Variants in SDCBP2 observed in about 807,000 individuals in gnomAD.
SDCBP2 encodes syntenin-2.
SDCBP2 carries 28 observed loss-of-function variants against 30.7 expected under a neutral mutation model. The observed-to-expected ratio is 0.91, with a 90% CI of 0.68 to 1.25. SDCBP2 has a LOEUF of 1.25. Among genes scored for constraint, SDCBP2 ranks in the 50% most tolerant of loss-of-function variants. The probability of loss-of-function intolerance (pLI) is 0.00; values close to 1 mark genes in which losing one functional copy is unlikely to be tolerated. For synonymous variants in SDCBP2, 166 were observed against 157.3 expected (o/e 1.06, Z -0.41); for missense variants, 399 against 379.0 (o/e 1.05, Z -0.44).
chr20:1,315,652 C>T (rs868292234), intron 4 of SDCBP2, among the ~76,000 whole-genome samples: 8 of 151,998 alleles, frequency 5.3e-5, no homozygotes, highest in East Asian at 1.9e-4. Context: ...TAAACGTAAA[C>T]GCAAAACATA....
intron 4 of SDCBP2, among the ~76,000 whole-genome samples, chr20:1,315,147 G>A (rs772599465): frequency 6.6e-6 from 1 of 152,188 alleles, no homozygotes; most frequent in Non-Finnish European, 1.5e-5. Context: ...ACTGGTGAAG[G>A]GATAGACAAG....
intron 7 of SDCBP2, among the ~76,000 whole-genome samples, chr20:1,311,431 T>A (rs932975362): frequency 1.3e-5 from 2 of 152,168 alleles, no homozygotes; most frequent in East Asian, 3.9e-4. Flanking sequence ...ACCACTTAGA[T>A]CATGGGAAGA....
chr20:1,317,029 T>C (rs780715977), intron 4 of SDCBP2, among the ~76,000 whole-genome samples: 1 of 152,134 alleles, frequency 6.6e-6, no homozygotes, highest in Non-Finnish European at 1.5e-5. Context: ...TGTAACATTC[T>C]GAAATGACAA....
rs777879728 is a variant in SDCBP2, at chr20:1,312,374, ACGTAGTGGTTGGTGAGGAGCC to A, written c.674_694del (p.Gly225_Tyr231del). On this transcript the variant is annotated inframe_deletion, in exon 7 of 9. Coordinates refer to ENST00000360779, the MANE Select transcript of SDCBP2 (RefSeq NM_080489.5). The stretch of plus-strand genomic sequence containing the variant: ...AACATTCTGCCCGTCCACCTCACAC[ACGTAGTGGTTGGTGAGGAGCC>A]CGTTGCGGGCCGCAGAACTCCCTTT... 1 of 1,613,314 alleles carries A rather than the reference ACGTAGTGGTTGGTGAGGAGCC, an allele frequency of 6.2e-7. No homozygotes were observed. The highest frequency in any genetic ancestry group is 1.1e-5 in the South Asian group (1 of 90,956).
chr20:1,313,617 C>T lies in SDCBP2; in HGVS notation c.226-119G>A. On this transcript the variant is annotated intron_variant, in intron 4 of 8. Coordinates refer to ENST00000360779, the MANE Select transcript of SDCBP2 (RefSeq NM_080489.5). The surrounding 1 kb of genome is among the most constrained non-coding windows in gnomAD (Gnocchi z 5.2). Reference sequence around the variant, plus strand: ...ATGGAGCCGTCCCCGGGTCCCCCCACGTCCCCAGTCCACGCTTCTCCCCTA... The same window carrying T: ...ATGGAGCCGTCCCCGGGTCCCCCCATGTCCCCAGTCCACGCTTCTCCCCTA... 1 of 1,424,594 alleles carries T rather than the reference C, an allele frequency of 7.0e-7. No homozygotes were observed. Among genetic ancestry groups the T allele is most frequent in the Non-Finnish European group, 9.2e-7 (1 of 1,091,864 alleles). 88.2% of individuals were successfully genotyped at this position (1,424,594 alleles called of 1,614,324 possible). A position where few individuals can be genotyped will look rare whatever the true frequency, so the allele number is the denominator to read the frequency against.
rs2088722399 is a variant in SDCBP2 at position 1,313,619 on chromosome 20, T to C, written c.226-121A>G. On this transcript the variant is annotated intron_variant, in intron 4 of 8. Transcript: ENST00000360779. The surrounding 1 kb of genome is among the most constrained non-coding windows in gnomAD (Gnocchi z 5.2). Reference sequence around the variant, plus strand: ...GGAGCCGTCCCCGGGTCCCCCCACGTCCCCAGTCCACGCTTCTCCCCTAGG... The same window carrying C: ...GGAGCCGTCCCCGGGTCCCCCCACGCCCCCAGTCCACGCTTCTCCCCTAGG... 1.6e-5 allele frequency: 23 copies of C among 1,422,686 alleles called. No homozygotes were observed. The highest frequency in any genetic ancestry group is 2.0e-5 in the Non-Finnish European group (22 of 1,090,860). The allele number at this position is 1,422,686 out of a possible 1,614,324, so 88.1% of individuals were successfully genotyped here. A position where few individuals can be genotyped will look rare whatever the true frequency, so the allele number is the denominator to read the frequency against.
intron 7 of SDCBP2, 35 bp downstream of exon 7, chr20:1,312,302 C>T (rs760517209): frequency 1.2e-6 from 2 of 1,601,676 alleles, no homozygotes; most frequent in Non-Finnish European, 8.5e-7. Context: ...CTCCCACCAC[C>T]CGGCAGTCCC....
At chr20:1,322,055 C>T (rs2088856687) in intron 1 of SDCBP2, 1 of 152,306 alleles carries the variant, frequency 6.6e-6, no homozygotes, top group Admixed American at 6.5e-5. Context: ...TCATTTCTTG[C>T]CTTACGTCCT....
intron 4 of SDCBP2, among the ~76,000 whole-genome samples, chr20:1,315,594 T>A (rs2088765327): frequency 6.6e-6 from 1 of 152,090 alleles, no homozygotes; most frequent in Non-Finnish European, 1.5e-5. Flanking sequence ...AATATGAACT[T>A]TGACTGAAAC....
At chr20:1,322,862 TGCCCA>T (rs2088866692) in intron 1 of SDCBP2, 2 of 152,380 alleles carry the variant, frequency 1.3e-5, no homozygotes, top group South Asian at 4.1e-4. Flanking sequence ...TGAGCCACTA[TGCCCA>T]GCCTTTTGTT....
chr20:1,313,684 G>A lies in SDCBP2; in HGVS notation c.226-186C>T, dbSNP rs1456866804. 22 of 1,371,162 alleles carry A rather than the reference G, an allele frequency of 1.6e-5. No homozygotes were observed. In the Admixed American group the frequency reaches 5.5e-4, roughly 34 times the overall value. 84.9% of individuals were successfully genotyped at this position (1,371,162 alleles called of 1,614,324 possible). A position where few individuals can be genotyped will look rare whatever the true frequency, so the allele number is the denominator to read the frequency against. ...TGGCTCCACGCGGCCACTAGGGGGC[G>A]TCAAAGTCCATGCCCTTAAAAAGCC... On this transcript the variant is annotated intron_variant, in intron 4 of 8. Transcript: ENST00000360779. The surrounding 1 kb of genome is among the most constrained non-coding windows in gnomAD (Gnocchi z 5.2).
In SDCBP2 at chr20:1,313,679, G is replaced by C. The variant is rs1034052998; in HGVS notation, c.226-181C>G. 1 of 1,369,730 alleles carries C rather than the reference G, an allele frequency of 7.3e-7. No individual in the cohort carries two copies. The highest frequency in any genetic ancestry group is 1.5e-5 in the African/African-American group (1 of 66,708). 84.8% of individuals were successfully genotyped at this position (1,369,730 alleles called of 1,614,324 possible). ...AGACGTGGCTCCACGCGGCCACTAG[G>C]GGGCGTCAAAGTCCATGCCCTTAAA... On this transcript the variant is annotated intron_variant, in intron 4 of 8. Transcript: ENST00000360779. This position sits in a 1 kb window ranked among gnomAD's most constrained non-coding sequence, Gnocchi z 5.2.
At chr20:1,311,412 C>A (rs1013432149) in intron 7 of SDCBP2, among the ~76,000 whole-genome samples, 6 of 152,154 alleles carry the variant, frequency 3.9e-5, no homozygotes, top group African/African-American at 1.4e-4. Context: ...AAGAGATGGG[C>A]CTGCAGACAC....
chr20:1,312,478 C>T lies in SDCBP2; in HGVS notation c.591G>A (p.Lys197=), dbSNP rs754030705. ...CGAAGCCGACGTGGCCCATGCTGTC[C>T]TTGTGCATGGTGACAGTCCGCTGGA... ...RPFQRTVTMH[K]DSMGHVGFVI... is the part of the protein sequence containing the mutation. The change falls in exon 7 of 9, where the codon AAG becomes AAA. Residue 197 remains lysine, a synonymous_variant. Transcript: ENST00000360779. The T allele has an allele frequency of 5.6e-6, 9 of 1,614,040 alleles. No individual in the cohort carries two copies. Among genetic ancestry groups the T allele is most frequent in the Middle Eastern group, 1.6e-4 (1 of 6,084 alleles).
At chr20:1,314,598 A>T (rs2088748162) in intron 4 of SDCBP2, among the ~76,000 whole-genome samples, 1 of 149,526 alleles carries the variant, frequency 6.7e-6, no homozygotes, top group African/African-American at 2.4e-5. Context: ...TCAAAAAAAA[A>T]AAAAAAAAAA....
In SDCBP2 at chr20:1,320,272, A is replaced by C; in HGVS notation, c.54+91T>G. On this transcript the variant is annotated intron_variant, in intron 2 of 8. Coordinates refer to ENST00000360779, the MANE Select transcript of SDCBP2 (RefSeq NM_080489.5). This position sits in a 1 kb window ranked among gnomAD's most constrained non-coding sequence, Gnocchi z 4.7. ...CCTACATGCCCTGAGGCCTACGGGA[A>C]TCTCCAAGTGGCCCCAGTACCCAGC... The C allele has an allele frequency of 8.4e-7, 1 of 1,186,224 alleles. No homozygotes were observed. Among genetic ancestry groups the C allele is most frequent in the South Asian group, 1.4e-5 (1 of 72,116 alleles). The allele number at this position is 1,186,224 out of a possible 1,614,324, so 73.5% of individuals were successfully genotyped here.
At chr20:1,327,981 G>A (rs1170606846) in intron 1 of SDCBP2, among the ~76,000 whole-genome samples, 1 of 152,180 alleles carries the variant, frequency 6.6e-6, no homozygotes, top group African/African-American at 2.4e-5. Flanking sequence ...TTAGATGGTG[G>A]GAGGCACTGG....
chr20:1,313,311 C>T lies in SDCBP2; in HGVS notation c.384+29G>A. On this transcript the variant is annotated intron_variant, in intron 5 of 8. Coordinates refer to ENST00000360779, the MANE Select transcript of SDCBP2 (RefSeq NM_080489.5). The surrounding 1 kb of genome is among the most constrained non-coding windows in gnomAD (Gnocchi z 5.2). The stretch of plus-strand genomic sequence containing the variant: ...CGGGAGAGCGCGTGCAGCTCGAGCT[C>T]CTCTTCCCACCCAGCCCCCGCGCCC... The T allele has an allele frequency of 6.2e-7, 1 of 1,604,802 alleles. No homozygotes were observed. The highest frequency in any genetic ancestry group is 1.1e-5 in the South Asian group (1 of 90,042).
intron 8 of SDCBP2, 60 bp downstream of exon 8, chr20:1,310,740 G>A (rs1029825076): frequency 1.5e-5 from 22 of 1,443,266 alleles, no homozygotes; most frequent in East Asian, 2.3e-5. Context: ...CTGGGAGGCC[G>A]GGAGGTGAAG....
Sources: gnomAD v4.1 joint callset for allele counts (sites outside exome capture counted in the v4.1 genomes callset) on GRCh38, gnomAD v4.1.1 for gene constraint, Gnocchi (gnomAD v3.1) non-coding constraint, MANE v1.5 for transcripts, NCBI Gene and HGNC (gene_info 2026-07-23, HGNC 2026-07-21) for gene names.